PIGN: variants seen among roughly 807,000 people sequenced by gnomAD.
PIGN encodes GPI ethanolamine phosphate transferase 1.
PIGN carries 117 observed loss-of-function variants against 125.4 expected under a neutral mutation model. The ratio of observed to expected loss-of-function variants is 0.93; its 90% CI spans 0.80 to 1.09. PIGN has a LOEUF of 1.09. Among genes scored for constraint, PIGN ranks in the 50% least tolerant of loss-of-function variants. The pLI, the probability that PIGN is intolerant of heterozygous loss-of-function variation, is 0.00. For missense variants in PIGN, 1,075 were observed against 1,094.9 expected, an observed-to-expected ratio of 0.98 and a Z score of 0.26; for synonymous variants, 392 against 377.8, an observed-to-expected ratio of 1.04 and a Z score of -0.44.
At chr18:62,037,166 T>C (rs2030271797), downstream of PIGN, among the ~76,000 whole-genome samples, 2 of 152,206 alleles carry the variant, frequency 1.3e-5, no homozygotes, top group African/African-American at 2.4e-5. Flanking sequence ...AGTGTTATCG[T>C]CTGTGTGGAC....
At chr18:62,075,370 T>C (rs2033117590) in intron 28 of PIGN, 1 of 152,282 alleles carries the variant, frequency 6.6e-6, no homozygotes, top group Non-Finnish European at 1.5e-5. Context: ...TATAATTTTG[T>C]CATTTTAAGA....
intron 4 of PIGN, 75 bp from the exon 5 acceptor site, chr18:62,157,883 G>A: frequency 7.5e-7 from 1 of 1,336,434 alleles, no homozygotes; most frequent in Non-Finnish European, 1.0e-6. Flanking sequence ...AGAAACATAA[G>A]ATTATTACAG....
chr18:62,066,749 A>G (rs1370853075), intron 30 of PIGN, among the ~76,000 whole-genome samples: 2 of 152,154 alleles, frequency 1.3e-5, no homozygotes, highest in Non-Finnish European at 2.9e-5. Context: ...GGAATGAGTT[A>G]ACTCCATTTG....
intron 11 of PIGN, among the ~76,000 whole-genome samples, chr18:62,142,942 T>C (rs1329429259): frequency 6.6e-6 from 1 of 152,178 alleles, no homozygotes; most frequent in East Asian, 1.9e-4. Flanking sequence ...AAAAGGTAAC[T>C]GACATACTAT....
intron 14 of PIGN, chr18:62,118,800 A>G (rs753281169): frequency 1.2e-4 from 18 of 151,884 alleles, no homozygotes; most frequent in Non-Finnish European, 2.5e-4. Flanking sequence ...AAGAGCTTTT[A>G]TAAGAAAGAA....
intron 7 of PIGN, among the ~76,000 whole-genome samples, chr18:62,151,204 TAGAC>T (rs543437816): frequency 2.0e-3 from 310 of 152,324 alleles, no homozygotes; most frequent in Non-Finnish European, 3.1e-3. Flanking sequence ...TACAGGTAGT[TAGAC>T]AGGCATGAGT....
Position 62,044,393 on chromosome 18 carries a change from T to C in PIGN, c.*1463A>G, listed in dbSNP as rs2030515108. On this transcript the variant is annotated 3_prime_UTR_variant, in exon 31 of 31. Transcript: ENST00000640252. ...AAAATCCTTTGAGGTAATATGAAAG[T>C]TCATGATTCTCATTCCATCAACATC... is the stretch of plus-strand genomic sequence containing the variant. 6.6e-6 allele frequency: 1 copy of C among 152,226 alleles called. No homozygotes were observed. The highest frequency in any genetic ancestry group is 2.4e-5 in the African/African-American group (1 of 41,462). The allele number at this position is 152,226 out of a possible 1,614,324, so 9.4% of individuals were successfully genotyped here. A position where few individuals can be genotyped will look rare whatever the true frequency, so the allele number is the denominator to read the frequency against.
chr18:62,113,259 T>C lies in PIGN; in HGVS notation c.1309A>G (p.Thr437Ala). The part of the protein sequence containing the change: ...LALKGLSYYH[T>A]YDRFFLGVNV... The stretch of plus-strand genomic sequence containing the variant: ...ACGCCCAAAAAGAATCTGTCATATG[T>C]GTGATAATAGGACAATCCTTTCAAT... The change falls in exon 16 of 31, where the codon ACA (threonine) becomes GCA (alanine). Residue 437 changes from threonine (T) to alanine (A), a missense_variant. Physicochemically the swap from Thr to Ala is moderately conservative, Grantham distance 58. Coordinates refer to ENST00000640252, the MANE Select transcript of PIGN (RefSeq NM_176787.5). The C allele has an allele frequency of 6.2e-7, 1 of 1,612,848 alleles. No individual in the cohort carries two copies. Among genetic ancestry groups the C allele is most frequent in the East Asian group, 2.2e-5 (1 of 44,754 alleles).
chr18:62,029,973 G>A (rs1169846841), intron 23 of PIGN, among the ~76,000 whole-genome samples: 1 of 152,084 alleles, frequency 6.6e-6, no homozygotes, highest in East Asian at 1.9e-4. Flanking sequence ...AAGATCCAGG[G>A]GATGGATTGC....
chr18:62,036,517 TTA>T (rs2030263186), downstream of PIGN, among the ~76,000 whole-genome samples: 1 of 152,138 alleles, frequency 6.6e-6, no homozygotes, highest in Non-Finnish European at 1.5e-5. Context: ...GAACCGTGGA[TTA>T]TGTTGTTTTT....
chr18:62,111,527 T>C (rs1022621266), intron 16 of PIGN, among the ~76,000 whole-genome samples: 1 of 152,212 alleles, frequency 6.6e-6, no homozygotes, highest in Non-Finnish European at 1.5e-5. Context: ...AAAGTTTTCT[T>C]TTGTAGTCGA....
At chr18:62,178,420 A>C (rs1219416932) in intron 1 of PIGN, among the ~76,000 whole-genome samples, 1 of 151,968 alleles carries the variant, frequency 6.6e-6, no homozygotes, top group Non-Finnish European at 1.5e-5. Flanking sequence ...AATGTCACCT[A>C]GAGATTGTGT....
At chr18:62,154,692 C>T in intron 6 of PIGN, 41 bp from the exon 7 acceptor site, 1 of 925,760 alleles carries the variant, frequency 1.1e-6, no homozygotes, top group Non-Finnish European at 1.7e-6. Flanking sequence ...TTTACAAAAT[C>T]TTTTAAACTA....
chr18:62,181,546 G>A (rs1362997231), intron 1 of PIGN, among the ~76,000 whole-genome samples: 1 of 152,054 alleles, frequency 6.6e-6, no homozygotes, highest in Non-Finnish European at 1.5e-5. Flanking sequence ...AAGTAGCGGG[G>A]ACCACAGGTG....
At chr18:62,073,247 A>C (rs986495547) in intron 29 of PIGN, among the ~76,000 whole-genome samples, 1 of 151,572 alleles carries the variant, frequency 6.6e-6, no homozygotes, top group African/African-American at 2.4e-5. Flanking sequence ...AAATATAGGC[A>C]ATTATAGAAA....
Position 62,157,687 on chromosome 18 carries a change from C to T in PIGN, c.343G>A (p.Gly115Arg). Residue 115 changes from glycine (G) to arginine (R), a missense_variant and splice_region_variant, in exon 5 of 31, where the codon GGA (glycine) becomes AGA (arginine). Gly to Arg is a moderately radical substitution (Grantham distance 125). Around this residue, in one of 3 missense-constraint regions of PIGN, gnomAD observed 152 missense variants for 162.9 expected, o/e 0.93. Transcript: ENST00000640252. ...ATAAGATTGTCCAAATAGACAATAC[C>T]TTTGGCAACTGCACTGACATCTTCA... is the stretch of plus-strand genomic sequence containing the variant. ...FYEDVSAVAK[G>R]WKENPVEFDS... 6.2e-7 allele frequency: 1 copy of T among 1,609,094 alleles called. No homozygotes were observed. The highest frequency in any genetic ancestry group is 8.5e-7 in the Non-Finnish European group (1 of 1,177,524).
At chr18:62,151,174 A>AATGC (rs1292860211) in intron 7 of PIGN, among the ~76,000 whole-genome samples, 3 of 152,282 alleles carry the variant, frequency 2.0e-5, no homozygotes, top group Admixed American at 6.5e-5. Context: ...GTAGGTCAAA[A>AATGC]ATGCATGTAA....
At chr18:62,135,993 C>T (rs1236575718) in intron 14 of PIGN, 1 of 152,146 alleles carries the variant, frequency 6.6e-6, no homozygotes, top group African/African-American at 2.4e-5. Context: ...CACTACTGTA[C>T]AAATAAACTC....
Position 62,143,294 on chromosome 18 carries a change from C to A in PIGN, c.963+12G>T, listed in dbSNP as rs138653837. 1.2e-4 allele frequency: 170 copies of A among 1,423,196 alleles called. No individual in the cohort carries two copies. In the East Asian group the frequency reaches 2.5e-3, roughly 21 times the overall value. 88.2% of individuals were successfully genotyped at this position (1,423,196 alleles called of 1,614,324 possible). ...AAATTAAATTTGAATGTAATAAAAT[C>A]GAACTGGATACCTGATTGACATCTA... On this transcript the variant is annotated intron_variant, in intron 11 of 30. Transcript: ENST00000640252.
Sources: allele counts gnomAD v4.1 joint callset (sites outside exome capture counted in the v4.1 genomes callset), GRCh38; gene constraint gnomAD v4.1.1; regional missense constraint gnomAD v4.1.1; transcripts MANE v1.5; gene names NCBI Gene and HGNC (gene_info 2026-07-23, HGNC 2026-07-21).